The following PLCL1 variants were observed in gnomAD, a reference collection of about 807,000 sequenced individuals.
PLCL1 encodes the protein phospholipase C like 1 (inactive), also known as inactive phospholipase C-like protein 1.
In PLCL1, 41 loss-of-function variants were observed where a neutral mutation model predicts 84.4. The observed-to-expected ratio is 0.49, with a 90% CI of 0.38 to 0.63. The LOEUF is 0.63. PLCL1 is among the 30% of genes least tolerant of loss of function. The pLI, the probability that PLCL1 is intolerant of heterozygous loss-of-function variation, is 0.00. For missense variants in PLCL1, 1,206 were observed against 1,367.8 expected, an observed-to-expected ratio of 0.88 and a Z score of 1.87; for synonymous variants, 490 against 488.3, an observed-to-expected ratio of 1.00 and a Z score of -0.05.
rs995455310 is a variant in PLCL1, at chr2:198,032,561, C to T, written c.241-51197C>T. On this transcript the variant is annotated intron_variant, in intron 1 of 5. Coordinates refer to ENST00000428675, the MANE Select transcript of PLCL1 (RefSeq NM_006226.4). ...GTGAACCAAATTATTCATAAATTAA[C>T]ATTTTTTTTAGGCCAGTACATCTCA... 5.3e-5 allele frequency among the ~76,000 whole-genome samples: 8 copies of T among 151,992 alleles called. No homozygotes were observed. The South Asian group carries it at 1.7e-3, about 32-fold the overall frequency.
chr2:198,113,097 C>T (rs892515), intron 5 of PLCL1, among the ~76,000 whole-genome samples: 47,613 of 151,604 alleles, frequency 0.31, 8,392 homozygotes, highest in East Asian at 0.55. Context: ...TATATTTATC[C>T]GTGGACGAGG....
At position 197,805,576 on chromosome 2, in the gene PLCL1, T is replaced by C. The variant is rs1328327832; in HGVS notation, c.240+237T>C. On this transcript the variant is annotated intron_variant, in intron 1 of 5. Transcript: ENST00000428675. This position sits in a 1 kb window ranked among gnomAD's most constrained non-coding sequence, Gnocchi z 4.0. Reference sequence around the variant, plus strand: ...AGAGGAAAAGTTCCGCTCTGCGTCTTTGCGTTCTGATGGATGCTTTCCCTC... The same window carrying C: ...AGAGGAAAAGTTCCGCTCTGCGTCTCTGCGTTCTGATGGATGCTTTCCCTC... 6.6e-6 allele frequency among the ~76,000 whole-genome samples: 1 copy of C among 152,186 alleles called. No homozygotes were observed. The highest frequency in any genetic ancestry group is 1.5e-5 in the Non-Finnish European group (1 of 68,016).
rs755635998 is a variant in PLCL1 at position 198,085,530 on chromosome 2, T to G, written c.2013T>G (p.Phe671Leu). ...GCTGTCAGATTGTAGCAATGAATTTTCAGACTCCGGGTCCAATGATGGACC... is the reference window on the plus strand; with the variant it reads ...GCTGTCAGATTGTAGCAATGAATTTGCAGACTCCGGGTCCAATGATGGACC... ...NCGCQIVAMNFQTPGPMMDLH... is the reference protein window; with the variant it reads ...NCGCQIVAMNLQTPGPMMDLH... The change falls in exon 2 of 6, where the codon TTT becomes TTG. Residue 671 changes from phenylalanine to leucine, a missense_variant. By Grantham distance (22) the Phe-to-Leu change is conservative. Coordinates refer to ENST00000428675, the MANE Select transcript of PLCL1 (RefSeq NM_006226.4). The surrounding 1 kb of genome is among the most constrained non-coding windows in gnomAD (Gnocchi z 5.3). 1 of 1,614,088 alleles carries G rather than the reference T, an allele frequency of 6.2e-7. No homozygotes were observed. The highest frequency in any genetic ancestry group is 1.1e-5 in the South Asian group (1 of 91,088).
chr2:197,918,936 G>GTCTCTCTC (rs71395692), intron 1 of PLCL1, among the ~76,000 whole-genome samples: 5 of 83,206 alleles, frequency 6.0e-5, no homozygotes, highest in African/African-American at 1.7e-4. Flanking sequence ...CGGAGACCCT[G>GTCTCTCTC]TCTCTCTCTC....
Position 197,964,796 on chromosome 2 carries a change from G to A in PLCL1, c.241-118962G>A, listed in dbSNP as rs545965442. Among the ~76,000 whole-genome samples, 6 of 152,062 alleles carry A rather than the reference G, an allele frequency of 3.9e-5. No homozygotes were observed. The East Asian group carries it at 1.2e-3, about 29-fold the overall frequency. ...TTTTTTGAGAGTTTTTATCATGAAG[G>A]GATATTGGATTTTATCAAATGCTTT... is the stretch of plus-strand genomic sequence containing the variant. On this transcript the variant is annotated intron_variant, in intron 1 of 5. Transcript: ENST00000428675.
chr2:198,056,045 T>C (rs962736356), intron 1 of PLCL1, among the ~76,000 whole-genome samples: 5 of 152,190 alleles, frequency 3.3e-5, no homozygotes, highest in African/African-American at 1.2e-4. Context: ...ATTTCCACAA[T>C]TTCTTGGCTT....
At chr2:198,106,376 T>C (rs193214994) in intron 5 of PLCL1, among the ~76,000 whole-genome samples, 7 of 152,044 alleles carry the variant, frequency 4.6e-5, no homozygotes, top group Admixed American at 1.3e-4. Flanking sequence ...GCACTGGGAA[T>C]ACGTGGAGAA....
At chr2:197,974,426 C>T (rs1689927471) in intron 1 of PLCL1, among the ~76,000 whole-genome samples, 1 of 152,158 alleles carries the variant, frequency 6.6e-6, no homozygotes, top group East Asian at 1.9e-4. Context: ...AAGAAGCCCT[C>T]CTTTATGAAA....
intron 1 of PLCL1, among the ~76,000 whole-genome samples, chr2:197,977,053 A>G (rs142620176): frequency 1.2e-3 from 190 of 152,074 alleles, no homozygotes; most frequent in African/African-American, 4.2e-3. Flanking sequence ...CTCTGATCCT[A>G]TTTTACTTGC....
intron 1 of PLCL1, among the ~76,000 whole-genome samples, chr2:197,994,642 G>A (rs1690420330): frequency 6.6e-6 from 1 of 152,120 alleles, no homozygotes; most frequent in African/African-American, 2.4e-5. Context: ...TTAGGTAAAT[G>A]AAAATATTTC....
intron 5 of PLCL1, among the ~76,000 whole-genome samples, chr2:198,143,632 A>G (rs1350695490): frequency 2.6e-5 from 4 of 152,086 alleles, no homozygotes; most frequent in Non-Finnish European, 5.9e-5. Context: ...GCCAAGGGAA[A>G]ATGCCAGGGT....
chr2:197,907,734 A>G (rs1237019843), intron 1 of PLCL1, among the ~76,000 whole-genome samples: 2 of 152,194 alleles, frequency 1.3e-5, no homozygotes, highest in African/African-American at 4.8e-5. Flanking sequence ...TATTTTGATT[A>G]CTTCAATTCA....
rs184155537 is a variant in PLCL1 at position 197,939,683 on chromosome 2, A to G, written c.240+134344A>G. On this transcript the variant is annotated intron_variant, in intron 1 of 5. Coordinates refer to ENST00000428675, the MANE Select transcript of PLCL1 (RefSeq NM_006226.4). ...ATAACCCATCTCCAAATACAGTCAC[A>G]TGTTGAGGTACTGGGGATTGGGACT... 1.7e-4 allele frequency among the ~76,000 whole-genome samples: 24 copies of G among 143,332 alleles called. No homozygotes were observed. The East Asian group carries it at 4.9e-3, about 29-fold the overall frequency. 94.0% of individuals were successfully genotyped at this position (143,332 alleles called of 152,430 possible). A position where few individuals can be genotyped will look rare whatever the true frequency, so the allele number is the denominator to read the frequency against.
intron 1 of PLCL1, among the ~76,000 whole-genome samples, chr2:197,980,510 A>C (rs1297758786): frequency 6.6e-6 from 1 of 152,190 alleles, no homozygotes; most frequent in Non-Finnish European, 1.5e-5. Flanking sequence ...TGTCTACTAC[A>C]CTGCTTTGCA....
At chr2:197,952,843 C>T (rs950679170) in intron 1 of PLCL1, among the ~76,000 whole-genome samples, 1 of 152,070 alleles carries the variant, frequency 6.6e-6, no homozygotes, top group Non-Finnish European at 1.5e-5. Flanking sequence ...TTGCCTGCTG[C>T]CATGTAAGGT....
In PLCL1 at chr2:198,039,965, A is replaced by G. The variant is rs78037203; in HGVS notation, c.241-43793A>G. On this transcript the variant is annotated intron_variant, in intron 1 of 5. Transcript: ENST00000428675. ...GGGGCAAACATATGTCTTAACCTACATGAAAAATATGGGAGTGACATTGAG... is the reference window on the plus strand; with the variant it reads ...GGGGCAAACATATGTCTTAACCTACGTGAAAAATATGGGAGTGACATTGAG... Among the ~76,000 whole-genome samples the G allele has an allele frequency of 8.1e-3, 1,234 of 152,318 alleles. 15 individuals are homozygous for G. Among genetic ancestry groups the G allele is most frequent in the African/African-American group, 0.028 (1,168 of 41,574 alleles).
chr2:197,888,089 G>GA (rs796462175), intron 1 of PLCL1, among the ~76,000 whole-genome samples: 78 of 141,510 alleles, frequency 5.5e-4, no homozygotes, highest in African/African-American at 8.5e-4. Context: ...GACACTGTCT[G>GA]AAAAAAAAAA....
At chr2:197,890,860 TA>T (rs1688012893) in intron 1 of PLCL1, among the ~76,000 whole-genome samples, 1 of 131,214 alleles carries the variant, frequency 7.6e-6, no homozygotes, top group South Asian at 2.5e-4. Context: ...TATATATGTG[TA>T]TATATACATA....
At chr2:197,924,885 A>G (rs570084338) in intron 1 of PLCL1, among the ~76,000 whole-genome samples, 23 of 152,288 alleles carry the variant, frequency 1.5e-4, no homozygotes, top group African/African-American at 5.1e-4. Flanking sequence ...TTTGAGAATA[A>G]TCTAGAACTG....
Sources: allele counts gnomAD v4.1 joint callset (sites outside exome capture counted in the v4.1 genomes callset), GRCh38; gene constraint gnomAD v4.1.1; non-coding constraint Gnocchi (gnomAD v3.1); transcripts MANE v1.5; gene names NCBI Gene and HGNC (gene_info 2026-07-23, HGNC 2026-07-21).